The following LHFPL4 variants were observed in gnomAD, a reference collection of about 807,000 sequenced individuals.
LHFPL4 encodes the protein LHFPL tetraspan subfamily member 4.
Under a neutral mutation model 20.0 loss-of-function variants are expected in LHFPL4, and 6 were observed. That is an observed-to-expected ratio of 0.30 (90% CI 0.16 to 0.59). The LOEUF (loss-of-function observed/expected upper bound fraction) is 0.59, where lower values mean the gene tolerates loss of function less well. Ranked by LOEUF, LHFPL4 falls within the 20% of genes least tolerant of loss-of-function variation. LHFPL4 has a pLI of 0.88. For missense variants in LHFPL4, 215 were observed against 331.2 expected (o/e 0.65, Z 2.72); for synonymous variants, 129 against 143.8 (o/e 0.90, Z 0.74).
intron 2 of LHFPL4, among the ~76,000 whole-genome samples, chr3:9,512,363 G>A (rs2046266966): frequency 6.6e-6 from 1 of 152,200 alleles, no homozygotes; most frequent in Non-Finnish European, 1.5e-5. Flanking sequence ...GAGAAGTGGC[G>A]CGGCAGTTTC....
chr3:9,523,816 C>G (rs1301696982), intron 2 of LHFPL4, among the ~76,000 whole-genome samples: 1 of 152,124 alleles, frequency 6.6e-6, no homozygotes, highest in Admixed American at 6.5e-5. Flanking sequence ...AGCTTCTAAC[C>G]TATACTGTTT....
At chr3:9,551,249 A>G (rs1184018827) in intron 2 of LHFPL4, among the ~76,000 whole-genome samples, 2 of 152,146 alleles carry the variant, frequency 1.3e-5, no homozygotes, top group Non-Finnish European at 2.9e-5. Context: ...TTAAAAAACC[A>G]TCTCTGCTGC....
intron 2 of LHFPL4, among the ~76,000 whole-genome samples, chr3:9,518,685 C>T (rs1415104865): frequency 4.1e-5 from 3 of 73,340 alleles, no homozygotes; most frequent in Non-Finnish European, 7.3e-5. Flanking sequence ...TTTGTGTTCA[C>T]AGAGTTGTTT....
intron 2 of LHFPL4, among the ~76,000 whole-genome samples, chr3:9,523,281 T>G (rs1437608169): frequency 6.7e-6 from 1 of 149,964 alleles, no homozygotes; most frequent in East Asian, 2.0e-4. Flanking sequence ...CTCGGGAGGC[T>G]GAGGCAGGAG....
At chr3:9,516,835 A>G (rs2046306142) in intron 2 of LHFPL4, among the ~76,000 whole-genome samples, 1 of 136,280 alleles carries the variant, frequency 7.3e-6, no homozygotes, top group Non-Finnish European at 1.5e-5. Context: ...GCTGGAGTGC[A>G]GTAGCTCAAT....
intron 2 of LHFPL4, among the ~76,000 whole-genome samples, chr3:9,516,777 CA>C (rs2046305380): frequency 1.5e-5 from 2 of 135,420 alleles, no homozygotes; most frequent in South Asian, 4.8e-4. Flanking sequence ...CCCAGCCACA[CA>C]ATCTTTTTTT....
At position 9,500,032 on chromosome 3, in the gene LHFPL4, C is replaced by T. The variant is rs1385991242; in HGVS notation, c.*2179G>A. The T allele has an allele frequency of 2.0e-5, 3 of 152,310 alleles. No individual in the cohort carries two copies. Among genetic ancestry groups the T allele is most frequent in the African/African-American group, 7.3e-5 (3 of 41,140 alleles). The allele number at this position is 152,310 out of a possible 1,614,324, so 9.4% of individuals were successfully genotyped here. A position where few individuals can be genotyped will look rare whatever the true frequency, so the allele number is the denominator to read the frequency against. ...CTCTCATCTCTCTCCACCTCTGCCC[C>T]GTCTCTCTCGATCTCTCCTCCTCGC... On this transcript the variant is annotated 3_prime_UTR_variant, in exon 4 of 4. Coordinates refer to ENST00000287585, the MANE Select transcript of LHFPL4 (RefSeq NM_198560.3).
chr3:9,501,982 A>T lies in LHFPL4; in HGVS notation c.*229T>A. On this transcript the variant is annotated 3_prime_UTR_variant, in exon 4 of 4. Transcript: ENST00000287585. ...ACGCAGATGCAGGCTCCCTTAGGTC[A>T]AATTGAGGGAGGAGCAAGAATTAGA... The T allele has an allele frequency of 1.2e-5, 7 of 574,020 alleles. No homozygotes were observed. In the South Asian group the frequency reaches 1.5e-4, roughly 12 times the overall value. 35.6% of individuals were successfully genotyped at this position (574,020 alleles called of 1,614,324 possible). A position where few individuals can be genotyped will look rare whatever the true frequency, so the allele number is the denominator to read the frequency against.
At chr3:9,537,520 C>A (rs2046451177) in intron 2 of LHFPL4, among the ~76,000 whole-genome samples, 1 of 152,174 alleles carries the variant, frequency 6.6e-6, no homozygotes, top group Non-Finnish European at 1.5e-5. Flanking sequence ...TGTTAATAAC[C>A]TTGGCATCTG....
chr3:9,505,487 G>T (rs766274677), intron 3 of LHFPL4, among the ~76,000 whole-genome samples: 8 of 150,488 alleles, frequency 5.3e-5, no homozygotes, highest in Non-Finnish European at 1.5e-5. Context: ...ACAGAGTCTC[G>T]CTGTCTCCCA....
chr3:9,515,092 A>C (rs1341463704), intron 2 of LHFPL4, among the ~76,000 whole-genome samples: 1 of 152,212 alleles, frequency 6.6e-6, no homozygotes, highest in Non-Finnish European at 1.5e-5. Flanking sequence ...TGCCTTCCAA[A>C]TGACTATAGC....
At chr3:9,511,541 T>A (rs983061658) in intron 2 of LHFPL4, among the ~76,000 whole-genome samples, 1 of 152,146 alleles carries the variant, frequency 6.6e-6, no homozygotes, top group Non-Finnish European at 1.5e-5. Context: ...TTAACTTCGA[T>A]GCATTTACTT....
intron 2 of LHFPL4, among the ~76,000 whole-genome samples, chr3:9,522,472 G>A (rs1280097974): frequency 2.6e-5 from 4 of 151,842 alleles, no homozygotes; most frequent in Admixed American, 1.3e-4. Flanking sequence ...GGGCGTGGTG[G>A]CTCATGCCTG....
At position 9,499,969 on chromosome 3, in the gene LHFPL4, T is replaced by TC. The variant is rs1451459023; in HGVS notation, c.*2241dup. On this transcript the variant is annotated 3_prime_UTR_variant, in exon 4 of 4. Transcript: ENST00000287585. ...TTTCCGCCTTTTCATCCATTTCCCC[T>TC]CCCCCACCCCAAGCTCTCGGGCAGC... The TC allele has an allele frequency of 1.5e-5, 2 of 136,024 alleles. No individual in the cohort carries two copies. The highest frequency in any genetic ancestry group is 3.1e-5 in the Non-Finnish European group (2 of 63,796). 8.4% of individuals were successfully genotyped at this position (136,024 alleles called of 1,614,324 possible).
chr3:9,538,790 C>T (rs1438121597), intron 2 of LHFPL4, among the ~76,000 whole-genome samples: 3 of 151,922 alleles, frequency 2.0e-5, no homozygotes, highest in Non-Finnish European at 4.4e-5. Context: ...CCTCCGCCTC[C>T]CTGGTTCAAG....
chr3:9,550,885 G>A (rs1403232481), intron 2 of LHFPL4: 2 of 152,166 alleles, frequency 1.3e-5, no homozygotes, highest in Non-Finnish European at 2.9e-5. Flanking sequence ...TTCCAATGAG[G>A]CAGTAATTCC....
intron 2 of LHFPL4, among the ~76,000 whole-genome samples, chr3:9,517,816 T>G (rs1165971367): frequency 6.6e-6 from 1 of 150,604 alleles, no homozygotes; most frequent in Non-Finnish European, 1.5e-5. Context: ...TTGTTTTTTT[T>G]TTTTTGCTTG....
At chr3:9,516,614 C>T (rs548013697) in intron 2 of LHFPL4, among the ~76,000 whole-genome samples, 12 of 151,700 alleles carry the variant, frequency 7.9e-5, no homozygotes, top group Non-Finnish European at 1.5e-4. Context: ...GCTGAGACTA[C>T]AGGCACACAC....
intron 2 of LHFPL4, among the ~76,000 whole-genome samples, chr3:9,516,423 T>A (rs2046302264): frequency 6.6e-6 from 1 of 152,106 alleles, no homozygotes; most frequent in South Asian, 2.1e-4. Flanking sequence ...GGGCTCTCCA[T>A]TCTGTCCTAT....
Sources: allele counts gnomAD v4.1 joint callset (sites outside exome capture counted in the v4.1 genomes callset), GRCh38; gene constraint gnomAD v4.1.1; transcripts MANE v1.5; gene names NCBI Gene and HGNC (gene_info 2026-07-23, HGNC 2026-07-21).